The following GUCY1B1 variants were observed in gnomAD, a reference collection of about 807,000 sequenced individuals.
The protein encoded by GUCY1B1 is guanylate cyclase 1 soluble subunit beta 1.
Under a neutral mutation model 71.0 loss-of-function variants are expected in GUCY1B1, and 43 were observed. The observed-to-expected ratio is 0.61, with a 90% CI of 0.47 to 0.78. The LOEUF is 0.78. Among genes scored for constraint, GUCY1B1 ranks in the 30% least tolerant of loss-of-function variants. The pLI is 0.00. For missense variants in GUCY1B1, 535 were observed against 754.1 expected (o/e 0.71, Z 3.40); for synonymous variants, 266 against 259.7 (o/e 1.02, Z -0.23).
chr4:155,764,701 A>G (rs1246377121), intron 2 of GUCY1B1, among the ~76,000 whole-genome samples: 1 of 152,224 alleles, frequency 6.6e-6, no homozygotes. Context: ...CCTGAAATAC[A>G]GAGGAAGGCG....
At position 155,759,085 on chromosome 4, in the gene GUCY1B1, C is replaced by A; in HGVS notation, c.-56C>A. 2 of 1,566,634 alleles carry A rather than the reference C, an allele frequency of 1.3e-6. No homozygotes were observed. Among genetic ancestry groups the A allele is most frequent in the Non-Finnish European group, 1.7e-6 (2 of 1,153,188 alleles). ...TAGCCGCTGCCGCCTCTGCCTGGGT[C>A]CCTTCGGCCGTACCTCTGCGTGGGG... On this transcript the variant is annotated 5_prime_UTR_variant, in exon 1 of 14. Coordinates refer to ENST00000264424, the MANE Select transcript of GUCY1B1 (RefSeq NM_000857.5).
chr4:155,792,543 T>C (rs1251809187), intron 5 of GUCY1B1, among the ~76,000 whole-genome samples: 1 of 152,072 alleles, frequency 6.6e-6, no homozygotes, highest in East Asian at 1.9e-4. Flanking sequence ...CATCCCAGTT[T>C]TGCTACAAAA....
chr4:155,759,128 C>G lies in GUCY1B1; in HGVS notation c.-13C>G, dbSNP rs747877644. The G allele has an allele frequency of 3.1e-6, 5 of 1,592,164 alleles. No individual in the cohort carries two copies. Among genetic ancestry groups the G allele is most frequent in the South Asian group, 1.1e-5 (1 of 87,446 alleles). ...GCGTGGGGGCTGCCTCCCCGGCTCC[C>G]GGTGCAGACACCATGGTAAGTGCTC... On this transcript the variant is annotated 5_prime_UTR_variant, in exon 1 of 14. Transcript: ENST00000264424.
At chr4:155,780,196 C>A (rs1053210669) in intron 4 of GUCY1B1, among the ~76,000 whole-genome samples, 1 of 152,298 alleles carries the variant, frequency 6.6e-6, no homozygotes, top group African/African-American at 2.4e-5. Flanking sequence ...AACCTACATC[C>A]TTTCTGCATC....
chr4:155,802,556 C>T lies in GUCY1B1; in HGVS notation c.1390C>T (p.Arg464Trp), dbSNP rs1740031125. ...YTRFDTLTDS[R>W]KNPFVYKVET... ...CAGATTTGACACACTGACTGATTCC[C>T]GGAAAAACCCATTTGTTTATAAGGC... The change falls in exon 10 of 14, where the codon CGG (arginine) becomes TGG (tryptophan). Residue 464 changes from arginine to tryptophan, a missense_variant. Transcript: ENST00000264424. This position sits in a 1 kb window ranked among gnomAD's most constrained non-coding sequence, Gnocchi z 4.3. The T allele has an allele frequency of 6.2e-7, 1 of 1,604,928 alleles. No individual in the cohort carries two copies. Among genetic ancestry groups the T allele is most frequent in the Non-Finnish European group, 8.5e-7 (1 of 1,175,798 alleles).
chr4:155,783,333 G>A (rs755986432), intron 4 of GUCY1B1, among the ~76,000 whole-genome samples: 2 of 152,164 alleles, frequency 1.3e-5, no homozygotes, highest in Non-Finnish European at 2.9e-5. Flanking sequence ...AATTTACAGA[G>A]TTAAAATGCA....
At chr4:155,804,209 G>A (rs991182872) in intron 11 of GUCY1B1, among the ~76,000 whole-genome samples, 43 of 152,128 alleles carry the variant, frequency 2.8e-4, no homozygotes, top group African/African-American at 9.9e-4. Context: ...GTTATATGAT[G>A]ACTCTACATT....
chr4:155,800,710 TTAAG>T, intron 9 of GUCY1B1, among the ~76,000 whole-genome samples: 1 of 152,340 alleles, frequency 6.6e-6, no homozygotes, highest in South Asian at 2.1e-4. Context: ...AGAAATGTAT[TTAAG>T]TAAGTACATA....
At chr4:155,797,435 T>G (rs1259789783) in intron 8 of GUCY1B1, among the ~76,000 whole-genome samples, 3 of 152,032 alleles carry the variant, frequency 2.0e-5, no homozygotes, top group African/African-American at 7.2e-5. Context: ...CAATAATATA[T>G]AAGGCCAAAT....
At chr4:155,803,869 C>T in intron 11 of GUCY1B1, 105 bp downstream of exon 11, 1 of 672,660 alleles carries the variant, frequency 1.5e-6, no homozygotes, top group East Asian at 3.2e-5. Context: ...AGAAGGGCAT[C>T]TTGACAACAA....
At chr4:155,790,526 G>GT (rs1561022293) in intron 5 of GUCY1B1, among the ~76,000 whole-genome samples, 1 of 152,126 alleles carries the variant, frequency 6.6e-6, no homozygotes, top group African/African-American at 2.4e-5. Flanking sequence ...GAGAACCACT[G>GT]TTTCTCTTTA....
chr4:155,764,011 T>TA (rs552681942), intron 2 of GUCY1B1, among the ~76,000 whole-genome samples: 1 of 5,008 alleles, frequency 2.0e-4, no homozygotes, highest in Non-Finnish European at 4.6e-4. Context: ...TCAGTCTAAA[T>TA]TTTTTTTATC....
At chr4:155,764,426 C>T (rs4088545) in intron 2 of GUCY1B1, among the ~76,000 whole-genome samples, 10,539 of 152,228 alleles carry the variant, frequency 0.069, 493 homozygotes, top group African/African-American at 0.14. Context: ...TAATTACTTA[C>T]TGTCCCAGAG....
chr4:155,799,489 A>G (rs1739793170), intron 8 of GUCY1B1, among the ~76,000 whole-genome samples: 1 of 149,988 alleles, frequency 6.7e-6, no homozygotes, highest in African/African-American at 2.4e-5. Context: ...AAGAAGCATT[A>G]TTATTCTTGA....
intron 3 of GUCY1B1, among the ~76,000 whole-genome samples, chr4:155,777,021 T>A (rs1738097597): frequency 6.6e-6 from 1 of 152,180 alleles, no homozygotes; most frequent in Admixed American, 6.5e-5. Flanking sequence ...AGAAGATATC[T>A]TGAGGATGGG....
At chr4:155,763,588 A>G (rs998005983) in intron 2 of GUCY1B1, among the ~76,000 whole-genome samples, 8 of 152,026 alleles carry the variant, frequency 5.3e-5, no homozygotes, top group African/African-American at 1.9e-4. Context: ...TAGTCTTATT[A>G]TTTTGTTTTT....
At position 155,806,566 on chromosome 4, in the gene GUCY1B1, G is replaced by A. The variant is rs1345583476; in HGVS notation, c.*157G>A. On this transcript the variant is annotated 3_prime_UTR_variant, in exon 14 of 14. Coordinates refer to ENST00000264424, the MANE Select transcript of GUCY1B1 (RefSeq NM_000857.5). ...CTTCTAGATATATCTCTCACTATCC[G>A]TTATTCAACCTTAGCTCTGCTTTCT... 4.9e-5 allele frequency: 27 copies of A among 556,498 alleles called. No individual in the cohort carries two copies. Among genetic ancestry groups the A allele is most frequent in the South Asian group, 4.3e-4 (15 of 34,908 alleles). The allele number at this position is 556,498 out of a possible 1,614,324, so 34.5% of individuals were successfully genotyped here. A position where few individuals can be genotyped will look rare whatever the true frequency, so the allele number is the denominator to read the frequency against.
intron 8 of GUCY1B1, among the ~76,000 whole-genome samples, chr4:155,798,826 T>C (rs1247082210): frequency 6.9e-6 from 1 of 145,192 alleles, no homozygotes; most frequent in Non-Finnish European, 1.5e-5. Flanking sequence ...TTTAACCAGT[T>C]AGGTTTTGTT....
rs1740353438 is a variant in GUCY1B1 at position 155,806,848 on chromosome 4, AAT to A, written c.*441_*442del. The A allele has an allele frequency of 6.5e-6, 1 of 154,848 alleles. No homozygotes were observed. Among genetic ancestry groups the A allele is most frequent in the African/African-American group, 2.4e-5 (1 of 41,534 alleles). The allele number at this position is 154,848 out of a possible 1,614,324, so 9.6% of individuals were successfully genotyped here. A position where few individuals can be genotyped will look rare whatever the true frequency, so the allele number is the denominator to read the frequency against. On this transcript the variant is annotated 3_prime_UTR_variant, in exon 14 of 14. Coordinates refer to ENST00000264424, the MANE Select transcript of GUCY1B1 (RefSeq NM_000857.5). The stretch of plus-strand genomic sequence containing the variant: ...ATGTATATTTTAATGACTATAATGT[AAT>A]AAAGTTTATATCATGTTGGTGTATA...
Sources: allele counts gnomAD v4.1 joint callset (sites outside exome capture counted in the v4.1 genomes callset), GRCh38; gene constraint gnomAD v4.1.1; non-coding constraint Gnocchi (gnomAD v3.1); transcripts MANE v1.5; gene names NCBI Gene and HGNC (gene_info 2026-07-23, HGNC 2026-07-21).